ANKS1A: variants seen among roughly 807,000 people sequenced by gnomAD.
The protein encoded by ANKS1A is ankyrin repeat and sterile alpha motif domain containing 1A.
Under a neutral mutation model 120.3 loss-of-function variants are expected in ANKS1A, and 55 were observed. The ratio of observed to expected loss-of-function variants is 0.46; its 90% CI spans 0.37 to 0.57. The LOEUF (loss-of-function observed/expected upper bound fraction) is 0.57, where lower values mean the gene tolerates loss of function less well. Ranked by LOEUF, ANKS1A falls within the 20% of genes least tolerant of loss-of-function variation. The pLI, the probability that ANKS1A is intolerant of heterozygous loss-of-function variation, is 0.00. For missense variants in ANKS1A, 1,123 were observed against 1,480.3 expected, an observed-to-expected ratio of 0.76 and a Z score of 3.96; for synonymous variants, 590 against 604.7, an observed-to-expected ratio of 0.98 and a Z score of 0.36.
At chr6:34,980,671 T>G (rs896375225) in intron 3 of ANKS1A, among the ~76,000 whole-genome samples, 13 of 152,252 alleles carry the variant, frequency 8.5e-5, no homozygotes, top group African/African-American at 3.1e-4. Flanking sequence ...TTTAGGAATC[T>G]CAAAATCTTG....
intron 10 of ANKS1A, among the ~76,000 whole-genome samples, chr6:35,003,582 A>G (rs988807538): frequency 2.0e-5 from 3 of 152,216 alleles, no homozygotes; most frequent in African/African-American, 7.2e-5. Context: ...AGCACTAGAA[A>G]GATTTAAAAC....
In ANKS1A at chr6:35,090,443, G is replaced by A. The variant is rs759041105; in HGVS notation, c.*1834G>A. The A allele has an allele frequency of 1.7e-6, 2 of 1,182,464 alleles. No individual in the cohort carries two copies. Among genetic ancestry groups the A allele is most frequent in the Non-Finnish European group, 2.1e-6 (2 of 937,466 alleles). 73.2% of individuals were successfully genotyped at this position (1,182,464 alleles called of 1,614,324 possible). A position where few individuals can be genotyped will look rare whatever the true frequency, so the allele number is the denominator to read the frequency against. ...CGAAAGAAACCGCAGACACTACGATGCACTCCTCAAGCTGTCTTTTGTGCT... is the reference window on the plus strand; with the variant it reads ...CGAAAGAAACCGCAGACACTACGATACACTCCTCAAGCTGTCTTTTGTGCT... On this transcript the variant is annotated 3_prime_UTR_variant, in exon 24 of 24. Coordinates refer to ENST00000360359, the MANE Select transcript of ANKS1A (RefSeq NM_015245.3).
At position 34,988,603 on chromosome 6, in the gene ANKS1A, T is replaced by A. The variant is rs180872827; in HGVS notation, c.1210-621T>A. On this transcript the variant is annotated intron_variant, in intron 8 of 23. Transcript: ENST00000360359. Reference sequence around the variant, plus strand: ...AGAGTGAGACTCTGCCTCAAAAAAATTTTTTTTTCAAATGGGTTTAGATGA... The same window carrying A: ...AGAGTGAGACTCTGCCTCAAAAAAAATTTTTTTTCAAATGGGTTTAGATGA... Among the ~76,000 whole-genome samples the A allele has an allele frequency of 3.5e-3, 536 of 151,844 alleles. 8 individuals are homozygous for A. The highest frequency in any genetic ancestry group is 0.012 in the African/African-American group (506 of 41,392).
chr6:34,984,309 G>T (rs555700166), intron 7 of ANKS1A, among the ~76,000 whole-genome samples: 1 of 152,192 alleles, frequency 6.6e-6, no homozygotes, highest in South Asian at 2.1e-4. Context: ...CCCAAATATA[G>T]ATTACAATAA....
chr6:35,082,803 G>A lies in ANKS1A; in HGVS notation c.2822G>A (p.Gly941Asp). The change falls in exon 18 of 24, where the codon GGT (glycine) becomes GAT (aspartate). Residue 941 changes from glycine to aspartate, a missense_variant. This residue lies in a region of ANKS1A where 904 missense variants were observed against 1,130.4 expected (regional missense o/e 0.80). Coordinates refer to ENST00000360359, the MANE Select transcript of ANKS1A (RefSeq NM_015245.3). This position sits in a 1 kb window ranked among gnomAD's most constrained non-coding sequence, Gnocchi z 4.1. ...QPEKLIFESC[G>D]YEANYLGSML... The stretch of plus-strand genomic sequence containing the variant: ...GAGAAACTCATCTTCGAGTCCTGTG[G>A]TTATGAAGCCAATGTGAGTTGCTCC... The A allele has an allele frequency of 6.2e-7, 1 of 1,613,696 alleles. No individual in the cohort carries two copies. Among genetic ancestry groups the A allele is most frequent in the Non-Finnish European group, 8.5e-7 (1 of 1,179,796 alleles).
At chr6:34,967,347 C>A in intron 2 of ANKS1A, 28 bp downstream of exon 2, 1 of 1,606,664 alleles carries the variant, frequency 6.2e-7, no homozygotes, top group Non-Finnish European at 8.5e-7. Context: ...ACATTCCTGC[C>A]TTCACCCTTC....
intron 10 of ANKS1A, among the ~76,000 whole-genome samples, chr6:34,999,165 G>C (rs1773016729): frequency 1.3e-5 from 2 of 152,340 alleles, no homozygotes; most frequent in South Asian, 4.1e-4. Context: ...ATCATCCACG[G>C]TGTGCCTTTA....
At chr6:34,924,886 G>T (rs968587317) in intron 1 of ANKS1A, among the ~76,000 whole-genome samples, 2 of 152,158 alleles carry the variant, frequency 1.3e-5, no homozygotes, top group African/African-American at 2.4e-5. Flanking sequence ...CTCCCGAAGT[G>T]CTGGGATTAT....
At chr6:34,962,160 A>G (rs1166240174) in intron 1 of ANKS1A, among the ~76,000 whole-genome samples, 2 of 152,202 alleles carry the variant, frequency 1.3e-5, no homozygotes, top group Non-Finnish European at 2.9e-5. Context: ...AAATGAGGTC[A>G]TTGTACAAAT....
intron 1 of ANKS1A, among the ~76,000 whole-genome samples, chr6:34,936,665 T>C (rs779653019): frequency 6.6e-6 from 1 of 152,140 alleles, no homozygotes; most frequent in Non-Finnish European, 1.5e-5. Flanking sequence ...ACAAGAAGGC[T>C]CTAATACATG....
chr6:34,898,495 G>A (rs935177386), intron 1 of ANKS1A, among the ~76,000 whole-genome samples: 19 of 152,160 alleles, frequency 1.2e-4, no homozygotes, highest in African/African-American at 1.9e-4. Flanking sequence ...TCATATCAGC[G>A]TAGGTCAGGT....
intron 12 of ANKS1A, among the ~76,000 whole-genome samples, chr6:35,054,900 T>C (rs867901109): frequency 6.6e-6 from 1 of 152,222 alleles, no homozygotes; most frequent in Admixed American, 6.5e-5. Flanking sequence ...AAAGATGGTC[T>C]GGGCACTGGG....
Position 35,060,041 on chromosome 6 carries a change from G to A in ANKS1A, c.2078-106G>A. ...TTGTATATAGTTTGGCTGTTTGATG[G>A]TAATGACTATGATGTGGCAATGCCA... On this transcript the variant is annotated intron_variant, in intron 12 of 23. Transcript: ENST00000360359. The surrounding 1 kb of genome is among the most constrained non-coding windows in gnomAD (Gnocchi z 4.5). The A allele has an allele frequency of 2.3e-6, 2 of 864,738 alleles. No homozygotes were observed. Among genetic ancestry groups the A allele is most frequent in the East Asian group, 2.7e-5 (1 of 36,584 alleles). The allele number at this position is 864,738 out of a possible 1,614,324, so 53.6% of individuals were successfully genotyped here. A position where few individuals can be genotyped will look rare whatever the true frequency, so the allele number is the denominator to read the frequency against.
rs554017720 is a variant in ANKS1A, at chr6:34,964,909, T to C, written c.198-2330T>C. ...GAAACACTTGATAATATCATTATGTTCATTTTTGTCAATGAATGTTTTAAT... is the reference window on the plus strand; with the variant it reads ...GAAACACTTGATAATATCATTATGTCCATTTTTGTCAATGAATGTTTTAAT... On this transcript the variant is annotated intron_variant, in intron 1 of 23. Coordinates refer to ENST00000360359, the MANE Select transcript of ANKS1A (RefSeq NM_015245.3). Among the ~76,000 whole-genome samples, 3 of 152,386 alleles carry C rather than the reference T, an allele frequency of 2.0e-5. No homozygotes were observed. In the East Asian group the frequency reaches 5.8e-4, roughly 29 times the overall value.
intron 1 of ANKS1A, among the ~76,000 whole-genome samples, chr6:34,917,238 C>A (rs765152003): frequency 1.3e-5 from 2 of 152,216 alleles, no homozygotes; most frequent in Non-Finnish European, 2.9e-5. Flanking sequence ...TGACAGTTTT[C>A]CTTCTCTCCC....
chr6:35,070,823 T>C (rs193173859), intron 13 of ANKS1A: 24 of 524,216 alleles, frequency 4.6e-5, no homozygotes, highest in Non-Finnish European at 7.9e-5. Context: ...CTTTCTTTTT[T>C]CTTTGTGTGT....
Position 34,982,727 on chromosome 6 carries a change from C to G in ANKS1A, c.733-25C>G. 6.2e-7 allele frequency: 1 copy of G among 1,613,924 alleles called. No individual in the cohort carries two copies. The highest frequency in any genetic ancestry group is 1.1e-5 in the South Asian group (1 of 91,082). ...ACCAAACTGTTCTGATGACATCCCG[C>G]TCTGCGCTCTCGTTTGCTTTCCAGA... On this transcript the variant is annotated intron_variant, in intron 4 of 23. Transcript: ENST00000360359. This position sits in a 1 kb window ranked among gnomAD's most constrained non-coding sequence, Gnocchi z 4.9.
chr6:35,052,565 A>G (rs1776021198), intron 11 of ANKS1A, among the ~76,000 whole-genome samples: 1 of 143,762 alleles, frequency 7.0e-6, no homozygotes. Context: ...TGAGTCCAGG[A>G]GTTTGAGAGC....
intron 11 of ANKS1A, among the ~76,000 whole-genome samples, chr6:35,027,994 T>G (rs1373028592): frequency 6.6e-6 from 1 of 152,184 alleles, no homozygotes; most frequent in African/African-American, 2.4e-5. Context: ...TTTATTTGCC[T>G]GGACAGGTGG....
Sources: allele counts gnomAD v4.1 joint callset (sites outside exome capture counted in the v4.1 genomes callset), GRCh38; gene constraint gnomAD v4.1.1; regional missense constraint gnomAD v4.1.1; non-coding constraint Gnocchi (gnomAD v3.1); transcripts MANE v1.5; gene names NCBI Gene and HGNC (gene_info 2026-07-23, HGNC 2026-07-21).